The following SLIT3 variants were observed in gnomAD, a reference collection of about 807,000 sequenced individuals.
The protein encoded by SLIT3 is slit guidance ligand 3.
A neutral mutation model predicts 184.0 loss-of-function variants in SLIT3; 68 were observed. That is an observed-to-expected ratio of 0.37 (90% confidence interval 0.30 to 0.45). The LOEUF (loss-of-function observed/expected upper bound fraction) is 0.45. Ranked by LOEUF, SLIT3 falls within the 20% of genes least tolerant of loss-of-function variation. The pLI, the probability that SLIT3 is intolerant of heterozygous loss-of-function variation, is 1.00. For missense variants in SLIT3, 1,707 were observed against 2,026.0 expected (o/e 0.84, Z 3.02); for synonymous variants, 831 against 828.6 (o/e 1.00, Z -0.05).
chr5:168,799,990 T>C (rs572434144), intron 9 of SLIT3, among the ~76,000 whole-genome samples: 1 of 152,224 alleles, frequency 6.6e-6, no homozygotes, highest in African/African-American at 2.4e-5. Flanking sequence ...AAGCCACTTT[T>C]GTGGTTTCTT....
intron 4 of SLIT3, among the ~76,000 whole-genome samples, chr5:169,081,047 C>T (rs2113160301): frequency 6.6e-6 from 1 of 152,320 alleles, no homozygotes; most frequent in Middle Eastern, 3.4e-3. Context: ...CCCCAGGGCT[C>T]CCCGCTCCAG....
intron 12 of SLIT3, among the ~76,000 whole-genome samples, chr5:168,783,223 C>A (rs1756034178): frequency 2.6e-5 from 4 of 152,156 alleles, no homozygotes; most frequent in Non-Finnish European, 2.9e-5. Flanking sequence ...GACAGAATAT[C>A]ATGCTTAGGA....
rs150833857 is a variant in SLIT3 at position 168,827,475 on chromosome 5, T to C, written c.558-4144A>G. 1.6e-3 allele frequency among the ~76,000 whole-genome samples: 249 copies of C among 152,332 alleles called. 1 individual carries two copies. The highest frequency in any genetic ancestry group is 6.8e-3 in the Middle Eastern group (2 of 294). Reference sequence around the variant, plus strand: ...TTTGAACACAGCTCCAAACAGCCATTGAAGCCTCTTGCTTCTGTTGTCACA... The same window carrying C: ...TTTGAACACAGCTCCAAACAGCCATCGAAGCCTCTTGCTTCTGTTGTCACA... On this transcript the variant is annotated intron_variant, in intron 6 of 35. Coordinates refer to ENST00000519560, the MANE Select transcript of SLIT3 (RefSeq NM_003062.4).
intron 4 of SLIT3, among the ~76,000 whole-genome samples, chr5:168,929,500 G>A (rs923658526): frequency 2.0e-5 from 3 of 152,204 alleles, no homozygotes; most frequent in African/African-American, 7.2e-5. Flanking sequence ...TTACACAGAG[G>A]TAGAGGCAAA....
At chr5:168,702,885 C>T (rs746607655) in intron 26 of SLIT3, among the ~76,000 whole-genome samples, 2 of 152,168 alleles carry the variant, frequency 1.3e-5, no homozygotes, top group African/African-American at 2.4e-5. Flanking sequence ...ACCTCTCTAG[C>T]CCCTGCCTGG....
chr5:168,798,351 G>A (rs1381652381), intron 9 of SLIT3, among the ~76,000 whole-genome samples: 2 of 151,638 alleles, frequency 1.3e-5, no homozygotes, highest in African/African-American at 2.4e-5. Context: ...AGCTTCCTGA[G>A]TAGCTAGGAC....
intron 25 of SLIT3, chr5:168,708,571 GA>G: frequency 5.6e-6 from 1 of 178,396 alleles, no homozygotes; most frequent in Non-Finnish European, 1.2e-5. Context: ...GTCCCCCCTG[GA>G]AAACCTTGGA....
chr5:168,877,381 T>TG (rs1472391501), intron 5 of SLIT3, among the ~76,000 whole-genome samples: 2 of 151,816 alleles, frequency 1.3e-5, no homozygotes, highest in African/African-American at 4.8e-5. Flanking sequence ...GAGCTTGGGG[T>TG]GTTCAGGGAA....
At chr5:168,861,422 G>A (rs1043392743) in intron 5 of SLIT3, among the ~76,000 whole-genome samples, 12 of 8,784 alleles carry the variant, frequency 1.4e-3, no homozygotes, top group South Asian at 9.0e-3. Flanking sequence ...CCACCAGCCC[G>A]CCCAATTTGC....
rs1427831227 is a variant in SLIT3 at position 169,127,445 on chromosome 5, A to T, written c.413+66034T>A. 2.6e-5 allele frequency among the ~76,000 whole-genome samples: 4 copies of T among 152,194 alleles called. No individual in the cohort carries two copies. In the East Asian group the frequency reaches 7.7e-4, roughly 29 times the overall value. On this transcript the variant is annotated intron_variant, in intron 4 of 35. Coordinates refer to ENST00000519560, the MANE Select transcript of SLIT3 (RefSeq NM_003062.4). ...GTTTTGTGCCCTGAACTCAAGTTGA[A>T]TGGTTTTCAAATAGAATGTGGAGTG...
chr5:168,807,176 C>T (rs1315227715), intron 8 of SLIT3, among the ~76,000 whole-genome samples: 1 of 152,140 alleles, frequency 6.6e-6, no homozygotes, highest in Non-Finnish European at 1.5e-5. Context: ...GAGTAAGTTA[C>T]TACAGATTTT....
intron 4 of SLIT3, among the ~76,000 whole-genome samples, chr5:168,923,067 G>A (rs1761694428): frequency 6.6e-6 from 1 of 152,146 alleles, no homozygotes; most frequent in African/African-American, 2.4e-5. Flanking sequence ...GGGAGCAGAG[G>A]GGACTTGTAG....
chr5:169,143,949 T>C (rs1761839065), intron 4 of SLIT3, among the ~76,000 whole-genome samples: 1 of 152,138 alleles, frequency 6.6e-6, no homozygotes, highest in Non-Finnish European at 1.5e-5. Flanking sequence ...AATATCAAAG[T>C]AGAATGTCCT....
chr5:168,975,897 C>T (rs996396496), intron 4 of SLIT3, among the ~76,000 whole-genome samples: 6 of 152,176 alleles, frequency 3.9e-5, no homozygotes, highest in Non-Finnish European at 5.9e-5. Flanking sequence ...CCATCTCCTG[C>T]AAGAGGAAGG....
intron 1 of SLIT3, among the ~76,000 whole-genome samples, chr5:169,271,246 T>C (rs1367134074): frequency 1.3e-5 from 2 of 152,172 alleles, no homozygotes; most frequent in Non-Finnish European, 2.9e-5. Flanking sequence ...TACTCCATCA[T>C]GAAAGAGGCT....
chr5:168,691,632 G>A (rs1761908041), intron 29 of SLIT3, among the ~76,000 whole-genome samples: 1 of 152,192 alleles, frequency 6.6e-6, no homozygotes, highest in Non-Finnish European at 1.5e-5. Flanking sequence ...CATTTATGGG[G>A]TCTGCTAACA....
chr5:169,291,476 G>A (rs1767360189), intron 1 of SLIT3, among the ~76,000 whole-genome samples: 1 of 152,178 alleles, frequency 6.6e-6, no homozygotes, highest in Admixed American at 6.5e-5. Context: ...ATCATTTTAA[G>A]TTGGGCTCAG....
chr5:169,150,117 C>T (rs578001417), intron 4 of SLIT3, among the ~76,000 whole-genome samples: 1 of 152,232 alleles, frequency 6.6e-6, no homozygotes, highest in Admixed American at 6.5e-5. Flanking sequence ...TATAAATATG[C>T]CTTATATGAG....
chr5:168,908,705 G>C (rs1319628850), intron 4 of SLIT3, among the ~76,000 whole-genome samples: 1 of 152,208 alleles, frequency 6.6e-6, no homozygotes, highest in East Asian at 1.9e-4. Flanking sequence ...GGACCAGCAA[G>C]CAGGGTTCAT....
Sources: gnomAD v4.1 joint callset for allele counts (sites outside exome capture counted in the v4.1 genomes callset) on GRCh38, gnomAD v4.1.1 for gene constraint, MANE v1.5 for transcripts, NCBI Gene and HGNC (gene_info 2026-07-23, HGNC 2026-07-21) for gene names.